The following PDE4B variants were observed in gnomAD, a reference collection of about 807,000 sequenced individuals.
The protein encoded by PDE4B is phosphodiesterase 4B, also known as 3',5'-cyclic-AMP phosphodiesterase 4B.
In PDE4B, 20 loss-of-function variants were observed where a neutral mutation model predicts 82.2. That is an observed-to-expected ratio of 0.24 (90% CI 0.17 to 0.35). PDE4B has a LOEUF of 0.35. PDE4B is among the 10% of genes least tolerant of loss of function. PDE4B has a pLI of 1.00. For synonymous variants in PDE4B, 320 were observed against 318.9 expected (o/e 1.00, Z -0.04); for missense variants, 655 against 907.2 (o/e 0.72, Z 3.57).
intron 8 of PDE4B, among the ~76,000 whole-genome samples, chr1:66,341,744 G>A (rs1307588277): frequency 6.6e-6 from 1 of 152,150 alleles, no homozygotes; most frequent in East Asian, 1.9e-4. Flanking sequence ...CACTTGGATT[G>A]TTAAGCCTTG....
chr1:66,126,954 A>T (rs1645836425), intron 3 of PDE4B, among the ~76,000 whole-genome samples: 1 of 152,186 alleles, frequency 6.6e-6, no homozygotes, highest in Admixed American at 6.5e-5. Context: ...CAAAATGACT[A>T]ATCTGTTCTC....
intron 1 of PDE4B, among the ~76,000 whole-genome samples, chr1:65,849,468 G>A (rs1294814566): frequency 6.6e-6 from 1 of 152,198 alleles, no homozygotes; most frequent in Non-Finnish European, 1.5e-5. Context: ...TCCTGAGGAG[G>A]TGTTGAAAGA....
chr1:65,866,286 A>C (rs976280936), intron 1 of PDE4B, among the ~76,000 whole-genome samples: 1 of 152,182 alleles, frequency 6.6e-6, no homozygotes, highest in Non-Finnish European at 1.5e-5. Flanking sequence ...AAAATAATTT[A>C]AGCCAACACC....
At chr1:65,937,186 A>G (rs1446674989) in intron 3 of PDE4B, among the ~76,000 whole-genome samples, 1 of 152,208 alleles carries the variant, frequency 6.6e-6, no homozygotes, top group Non-Finnish European at 1.5e-5. Context: ...CAGTTGGAAC[A>G]TGTTGATTCT....
chr1:66,015,973 G>A (rs974406299), intron 3 of PDE4B, among the ~76,000 whole-genome samples: 4 of 152,186 alleles, frequency 2.6e-5, no homozygotes, highest in African/African-American at 9.6e-5. Flanking sequence ...AGGCATTGGA[G>A]AAATTGAGAT....
intron 1 of PDE4B, among the ~76,000 whole-genome samples, chr1:65,875,168 G>A (rs993672504): frequency 3.9e-5 from 6 of 152,072 alleles, no homozygotes; most frequent in Non-Finnish European, 5.9e-5. Context: ...CTCAAAAGAA[G>A]ACATTTATGC....
In PDE4B at chr1:66,304,828, A is replaced by G. The variant is rs17128781; in HGVS notation, c.635-27680A>G. ...CTGCTATAGGACATTACTAAAATCC[A>G]CTTCCTCCAAGAAGCTCTCCCTGAT... is the stretch of plus-strand genomic sequence containing the variant. On this transcript the variant is annotated intron_variant, in intron 7 of 16. Coordinates refer to ENST00000341517, the MANE Select transcript of PDE4B (RefSeq NM_002600.4). 7.3e-3 allele frequency among the ~76,000 whole-genome samples: 1,116 copies of G among 152,240 alleles called. 40 individuals are homozygous for G. The East Asian group carries it at 0.11, about 15-fold the overall frequency.
intron 3 of PDE4B, among the ~76,000 whole-genome samples, chr1:65,935,937 C>CA (rs1191174379): frequency 4.6e-5 from 7 of 151,290 alleles, no homozygotes; most frequent in East Asian, 1.9e-4. Flanking sequence ...AATTCTGTCT[C>CA]AAAAAAAACA....
chr1:65,904,500 G>A (rs1647006279), intron 1 of PDE4B, among the ~76,000 whole-genome samples: 1 of 151,926 alleles, frequency 6.6e-6, no homozygotes, highest in Non-Finnish European at 1.5e-5. Flanking sequence ...GCTGTTCATA[G>A]GCTCCATATG....
chr1:66,162,755 G>T (rs1447891703), intron 3 of PDE4B, among the ~76,000 whole-genome samples: 1 of 152,154 alleles, frequency 6.6e-6, no homozygotes, highest in Non-Finnish European at 1.5e-5. Flanking sequence ...CAGAATTGCG[G>T]TTTTTGGATT....
Position 66,262,842 on chromosome 1 carries a change from A to T in PDE4B, c.585-3196A>T, listed in dbSNP as rs75247540. 3.1e-3 allele frequency among the ~76,000 whole-genome samples: 479 copies of T among 152,330 alleles called. 1 individual carries two copies. Among genetic ancestry groups the T allele is most frequent in the African/African-American group, 0.011 (457 of 41,568 alleles). ...AAATAAAGCCATATTTTCAAAATTA[A>T]CTTCTGAGACAAAAGAATTTGTATA... On this transcript the variant is annotated intron_variant, in intron 6 of 16. Transcript: ENST00000341517.
chr1:66,295,236 G>A (rs1449875883), intron 7 of PDE4B, among the ~76,000 whole-genome samples: 1 of 152,044 alleles, frequency 6.6e-6, no homozygotes, highest in East Asian at 1.9e-4. Context: ...GTTCAAAGGG[G>A]ACAGGCCCTT....
chr1:66,354,621 C>G (rs1662089229), intron 8 of PDE4B: 1 of 1,355,262 alleles, frequency 7.4e-7, no homozygotes, highest in Admixed American at 3.3e-5. Context: ...TCTCTTCTGC[C>G]AGGAAATAAG....
intron 3 of PDE4B, among the ~76,000 whole-genome samples, chr1:66,105,289 A>C (rs1177854078): frequency 6.6e-6 from 1 of 150,830 alleles, no homozygotes; most frequent in Non-Finnish European, 1.5e-5. Context: ...GTTCTATTCC[A>C]TTGATCTATA....
chr1:66,163,948 C>T (rs754063964), intron 3 of PDE4B, among the ~76,000 whole-genome samples: 3 of 152,164 alleles, frequency 2.0e-5, no homozygotes, highest in Non-Finnish European at 4.4e-5. Context: ...TTTGTACTCT[C>T]AGATAACATT....
chr1:65,813,198 T>C (rs1450588990), intron 1 of PDE4B, among the ~76,000 whole-genome samples: 1 of 152,188 alleles, frequency 6.6e-6, no homozygotes, highest in Non-Finnish European at 1.5e-5. Context: ...GGTGGGTTGG[T>C]TGTTAATACT....
At chr1:66,140,188 T>A (rs115796825) in intron 3 of PDE4B, among the ~76,000 whole-genome samples, 1,673 of 151,818 alleles carry the variant, frequency 0.011, 27 homozygotes, top group African/African-American at 0.038. Flanking sequence ...ATGCAAAGGG[T>A]GGAAAGCAGG....
intron 1 of PDE4B, among the ~76,000 whole-genome samples, chr1:65,909,469 T>C (rs1569642526): frequency 6.6e-6 from 1 of 152,194 alleles, no homozygotes; most frequent in East Asian, 1.9e-4. Flanking sequence ...TTTTCCTCAT[T>C]TTAGCCTTTA....
intron 1 of PDE4B, among the ~76,000 whole-genome samples, chr1:65,826,684 C>T (rs1397446877): frequency 2.0e-5 from 3 of 151,936 alleles, no homozygotes; most frequent in Non-Finnish European, 4.4e-5. Context: ...AAATCCACTG[C>T]GTCTTGGGGA....
Sources: gnomAD v4.1 joint callset for allele counts (sites outside exome capture counted in the v4.1 genomes callset) on GRCh38, gnomAD v4.1.1 for gene constraint, MANE v1.5 for transcripts, NCBI Gene and HGNC (gene_info 2026-07-23, HGNC 2026-07-21) for gene names.